The following TMEM71 variants were observed in gnomAD, a reference collection of about 807,000 sequenced individuals.
The protein encoded by TMEM71 is transmembrane protein 71.
TMEM71 carries 44 observed loss-of-function variants against 38.0 expected under a neutral mutation model. The ratio of observed to expected loss-of-function variants is 1.16; its 90% CI spans 0.91 to 1.49. The LOEUF is 1.49. TMEM71 is among the 40% of genes most tolerant of loss of function. TMEM71 has a pLI of 0.00. For synonymous variants in TMEM71, 133 were observed against 122.5 expected (o/e 1.09, Z -0.56); for missense variants, 367 against 348.6 (o/e 1.05, Z -0.42).
At chr8:132,737,327 CAG>C (rs1827804729) in intron 5 of TMEM71, among the ~76,000 whole-genome samples, 2 of 152,204 alleles carry the variant, frequency 1.3e-5, no homozygotes, top group African/African-American at 4.8e-5. Flanking sequence ...CAGAAAGAGT[CAG>C]AGAGATAACT....
At chr8:132,728,069 CAGTT>C (rs1827254562) in intron 5 of TMEM71, 83 bp from the exon 6 acceptor site, 1 of 1,044,854 alleles carries the variant, frequency 9.6e-7, no homozygotes, top group African/African-American at 1.6e-5. Flanking sequence ...GCTCAATGCA[CAGTT>C]AGTTCCTAAT....
In TMEM71 at chr8:132,718,195, A is replaced by G. The variant is rs140478033; in HGVS notation, c.752+3845T>C. 7.1e-3 allele frequency among the ~76,000 whole-genome samples: 1,089 copies of G among 152,326 alleles called. 16 individuals are homozygous for G. The highest frequency in any genetic ancestry group is 0.025 in the African/African-American group (1,052 of 41,574). On this transcript the variant is annotated intron_variant, in intron 7 of 9. Transcript: ENST00000677595. ...GTTGCACAATTTTGTAAATATACTA[A>G]AACCACTAAAGGTGCACTTAAAAAT...
chr8:132,742,399 A>G (rs965049727), intron 5 of TMEM71, among the ~76,000 whole-genome samples: 1 of 152,106 alleles, frequency 6.6e-6, no homozygotes, highest in Non-Finnish European at 1.5e-5. Context: ...AACAACAACA[A>G]AAAAACACTC....
At chr8:132,757,448 T>C (rs188804494) in intron 2 of TMEM71, among the ~76,000 whole-genome samples, 154 bp from the exon 3 acceptor site, 1 of 152,228 alleles carries the variant, frequency 6.6e-6, no homozygotes, top group East Asian at 1.9e-4. Flanking sequence ...AAGACTCCAG[T>C]AGTGCAGGTA....
At chr8:132,750,034 G>GAAAGA (rs1554619437) in intron 4 of TMEM71, among the ~76,000 whole-genome samples, 244 of 149,650 alleles carry the variant, frequency 1.6e-3, no homozygotes, top group African/African-American at 5.5e-3. Flanking sequence ...AAGAAAGAAA[G>GAAAGA]AAAGAAAAGA....
intron 5 of TMEM71, among the ~76,000 whole-genome samples, chr8:132,736,572 G>A (rs952447047): frequency 2.6e-5 from 4 of 152,216 alleles, no homozygotes; most frequent in African/African-American, 9.6e-5. Flanking sequence ...GCTCACACCT[G>A]TAATCCCAGT....
At chr8:132,769,214 C>G in the TMEM71 span, among the ~76,000 whole-genome samples, 1 of 152,244 alleles carries the variant, frequency 6.6e-6, no homozygotes. Flanking sequence ...TTGAAGCTTA[C>G]TCATCCTTCA....
downstream of TMEM71, among the ~76,000 whole-genome samples, chr8:132,705,905 T>C (rs186264502): frequency 1.7e-3 from 260 of 152,318 alleles, 2 homozygotes; most frequent in African/African-American, 5.7e-3. Context: ...AATGTTTTTG[T>C]CCCTATAAGA....
chr8:132,715,667 C>T (rs1826488224), intron 7 of TMEM71, among the ~76,000 whole-genome samples: 1 of 152,108 alleles, frequency 6.6e-6, no homozygotes, highest in South Asian at 2.1e-4. Flanking sequence ...TGGTCAAAAA[C>T]TGGAAGCAAC....
At chr8:132,761,175 G>T (rs150733915), upstream of TMEM71, among the ~76,000 whole-genome samples, 286 of 152,270 alleles carry the variant, frequency 1.9e-3, 2 homozygotes, top group African/African-American at 6.4e-3. Context: ...AGTGATAAAA[G>T]AAATGTACAT....
In TMEM71 at chr8:132,710,423, C is replaced by T. The variant is rs2280871; in HGVS notation, c.*544G>A. On this transcript the variant is annotated 3_prime_UTR_variant, in exon 10 of 10. Transcript: ENST00000677595. ...TATTAACCATCATCTACGGTTACCACCTAATATCAAGTCACTCCACTGAGG... is the reference window on the plus strand; with the variant it reads ...TATTAACCATCATCTACGGTTACCATCTAATATCAAGTCACTCCACTGAGG... 0.27 allele frequency: 43,575 copies of T among 158,790 alleles called. 9,970 individuals carry two copies. Among genetic ancestry groups the T allele is most frequent in the African/African-American group, 0.64 (26,566 of 41,684 alleles). 9.8% of individuals were successfully genotyped at this position (158,790 alleles called of 1,614,324 possible). A position where few individuals can be genotyped will look rare whatever the true frequency, so the allele number is the denominator to read the frequency against.
chr8:132,733,900 T>A (rs1276901039), intron 5 of TMEM71, among the ~76,000 whole-genome samples: 1 of 152,098 alleles, frequency 6.6e-6, no homozygotes, highest in Non-Finnish European at 1.5e-5. Context: ...AATAAGCCAG[T>A]CACAGAAGGA....
At chr8:132,726,199 T>C (rs1827132052) in intron 6 of TMEM71, among the ~76,000 whole-genome samples, 1 of 152,148 alleles carries the variant, frequency 6.6e-6, no homozygotes, top group South Asian at 2.1e-4. Flanking sequence ...TTGAGCCTTC[T>C]TAGGTGTTGA....
intron 5 of TMEM71, among the ~76,000 whole-genome samples, chr8:132,732,923 G>A (rs996485636): frequency 6.6e-6 from 1 of 152,250 alleles, no homozygotes; most frequent in Non-Finnish European, 1.5e-5. Context: ...GTGATGCTGA[G>A]GCTGAGAAAC....
chr8:132,707,288 G>T (rs920413077), downstream of TMEM71, among the ~76,000 whole-genome samples: 3 of 152,184 alleles, frequency 2.0e-5, no homozygotes, highest in African/African-American at 4.8e-5. Flanking sequence ...TATTCTGAAG[G>T]TGAGGATGTT....
intron 5 of TMEM71, among the ~76,000 whole-genome samples, chr8:132,745,783 A>G (rs1219222148): frequency 6.6e-6 from 1 of 151,914 alleles, no homozygotes; most frequent in African/African-American, 2.4e-5. Context: ...TTCCATCAAC[A>G]TTGAATTGAA....
intron 5 of TMEM71, among the ~76,000 whole-genome samples, chr8:132,734,019 T>C (rs1260973424): frequency 6.6e-6 from 1 of 152,058 alleles, no homozygotes; most frequent in African/African-American, 2.4e-5. Context: ...TGGGGGAAAT[T>C]GGGAGCCATT....
chr8:132,730,293 A>G (rs1305519143), intron 5 of TMEM71, among the ~76,000 whole-genome samples: 1 of 152,132 alleles, frequency 6.6e-6, no homozygotes, highest in Non-Finnish European at 1.5e-5. Context: ...GGAAATTAAT[A>G]TTTTAAAAAG....
the TMEM71 span, among the ~76,000 whole-genome samples, chr8:132,770,067 T>C: frequency 6.6e-6 from 1 of 152,194 alleles, no homozygotes. Context: ...GCTGCAGTTT[T>C]AACAATCCAC....
Sources: allele counts gnomAD v4.1 joint callset (sites outside exome capture counted in the v4.1 genomes callset), GRCh38; gene constraint gnomAD v4.1.1; transcripts MANE v1.5; gene names NCBI Gene and HGNC (gene_info 2026-07-23, HGNC 2026-07-21).